Variants in DGCR8 observed in about 807,000 individuals in gnomAD.
DGCR8 encodes DGCR8 microprocessor complex subunit.
A neutral mutation model predicts 78.5 loss-of-function variants in DGCR8; 14 were observed. The observed-to-expected ratio is 0.18, with a 90% CI of 0.12 to 0.28. DGCR8 has a LOEUF of 0.28. Ranked by LOEUF, DGCR8 falls within the 10% of genes least tolerant of loss-of-function variation. The pLI is 1.00. For missense variants in DGCR8, 702 were observed against 1,022.5 expected (o/e 0.69, Z 4.28); for synonymous variants, 399 against 402.4 (o/e 0.99, Z 0.10).
Position 20,085,988 on chromosome 22 carries a change from C to T in DGCR8, c.25C>T (p.Pro9Ser). 1 of 1,601,670 alleles carries T rather than the reference C, an allele frequency of 6.2e-7. No homozygotes were observed. Among genetic ancestry groups the T allele is most frequent in the Non-Finnish European group, 8.5e-7 (1 of 1,173,344 alleles). The change falls in exon 2 of 14, where the codon CCG becomes TCG. Residue 9 changes from proline (P) to serine (S), a missense_variant. Coordinates refer to ENST00000351989, the MANE Select transcript of DGCR8 (RefSeq NM_022720.7). This position sits in a 1 kb window ranked among gnomAD's most constrained non-coding sequence, Gnocchi z 6.2. METDESPSPLPCGPAGEAV... is the reference protein window; with the variant it reads METDESPSSLPCGPAGEAV... ...TATGGAGACAGATGAGAGCCCCTCT[C>T]CGCTCCCGTGTGGGCCCGCAGGAGA...
chr22:20,108,805 G>A, intron 12 of DGCR8, 85 bp from the exon 13 acceptor site: 1 of 296,258 alleles, frequency 3.4e-6, no homozygotes, highest in Admixed American at 8.7e-5. Context: ...CTGCCTTCAG[G>A]GTCCCAGGCA....
rs757711940 is a variant in DGCR8, at chr22:20,086,140, C to T, written c.177C>T (p.Ser59=). 3.7e-5 allele frequency: 60 copies of T among 1,614,046 alleles called. No homozygotes were observed. The highest frequency in any genetic ancestry group is 7.7e-5 in the South Asian group (7 of 91,084). The change falls in exon 2 of 14, where the codon TCC becomes TCT. Residue 59 remains serine, a synonymous_variant. Transcript: ENST00000351989. The surrounding 1 kb of genome is among the most constrained non-coding windows in gnomAD (Gnocchi z 6.4). The part of the protein sequence containing the change: ...MDVGSGGDGQ[S]ELPAEDPFNF... The stretch of plus-strand genomic sequence containing the variant: ...TTGGCTCTGGTGGTGATGGACAGTC[C>T]GAACTCCCTGCTGAGGACCCCTTCA...
chr22:20,097,988 G>A (rs1238330859), intron 9 of DGCR8, among the ~76,000 whole-genome samples: 3 of 151,160 alleles, frequency 2.0e-5, no homozygotes, highest in Non-Finnish European at 4.4e-5. Context: ...TTAGCTGGGT[G>A]TGGTGGTGGG....
chr22:20,080,511 G>C (rs1434510462), intron 1 of DGCR8, 128 bp downstream of exon 1: 7 of 983,828 alleles, frequency 7.1e-6, no homozygotes, highest in Admixed American at 6.2e-5. Context: ...CGCGGAGCCC[G>C]GCCTTTGTGA....
chr22:20,089,941 C>T lies in DGCR8; in HGVS notation c.1024-35C>T, dbSNP rs1366276466. 24 of 1,590,716 alleles carry T rather than the reference C, an allele frequency of 1.5e-5. No homozygotes were observed. The highest frequency in any genetic ancestry group is 2.1e-5 in the Non-Finnish European group (24 of 1,166,594). ...TCAGAGTTTCAGACTCTCGGGTTGT[C>T]CTTGTAATCCATATTGCAATTTCAC... On this transcript the variant is annotated intron_variant, in intron 4 of 13. Coordinates refer to ENST00000351989, the MANE Select transcript of DGCR8 (RefSeq NM_022720.7). The surrounding 1 kb of genome is among the most constrained non-coding windows in gnomAD (Gnocchi z 4.9).
chr22:20,110,979 A>G lies in DGCR8; in HGVS notation c.*871A>G, dbSNP rs1321535274. 1.2e-4 allele frequency: 46 copies of G among 395,618 alleles called. No individual in the cohort carries two copies. Among genetic ancestry groups the G allele is most frequent in the Non-Finnish European group, 2.0e-4 (45 of 224,826 alleles). The allele number at this position is 395,618 out of a possible 1,614,324, so 24.5% of individuals were successfully genotyped here. On this transcript the variant is annotated 3_prime_UTR_variant, in exon 14 of 14. Coordinates refer to ENST00000351989, the MANE Select transcript of DGCR8 (RefSeq NM_022720.7). ...GCTTTTGTGATATTTTAGCATTTTG[A>G]AAGACTTTCACAGTGAGAGTAGAAG... is the stretch of plus-strand genomic sequence containing the variant.
chr22:20,095,115 G>A (rs952620865), intron 9 of DGCR8, among the ~76,000 whole-genome samples: 5 of 152,032 alleles, frequency 3.3e-5, no homozygotes, highest in African/African-American at 1.2e-4. Context: ...GATTTAGATT[G>A]TTCTTTTTTT....
chr22:20,106,564 G>A (rs2049772223), intron 10 of DGCR8, 28 bp from the exon 11 acceptor site: 6 of 1,540,060 alleles, frequency 3.9e-6, no homozygotes, highest in Non-Finnish European at 4.5e-6. Context: ...CTCAGGGGAC[G>A]CCATCTGTTG....
chr22:20,102,113 ATAGAGT>A (rs2049710148), intron 9 of DGCR8: 1 of 966,464 alleles, frequency 1.0e-6, no homozygotes, highest in Non-Finnish European at 1.2e-6. Context: ...TAAAATTTAC[ATAGAGT>A]TAAATTCACT....
chr22:20,085,106 C>T lies in DGCR8; in HGVS notation c.-277-581C>T, dbSNP rs906908545. The T allele has an allele frequency of 1.8e-5, 16 of 887,500 alleles. No homozygotes were observed. The highest frequency in any genetic ancestry group is 5.6e-4 in the Middle Eastern group (1 of 1,770). The allele number at this position is 887,500 out of a possible 1,614,324, so 55.0% of individuals were successfully genotyped here. On this transcript the variant is annotated intron_variant, in intron 1 of 13. Transcript: ENST00000351989. The surrounding 1 kb of genome is among the most constrained non-coding windows in gnomAD (Gnocchi z 6.2). ...GAACTATGCTGCCACCTCTGGTGAC[C>T]TCAGCACGCTGCATCACTGTCCCCG...
Position 20,092,832 on chromosome 22 carries a change from G to A in DGCR8, c.1630G>A (p.Ala544Thr). ...ECENPSEPFG[A>T]SVTIDGVTYG... ...AGAGAACCCAAGTGAGCCTTTTGGT[G>A]CCTCGGTGACCATTGATGGTGTGAC... The change falls in exon 8 of 14, where the codon GCC becomes ACC. Residue 544 changes from alanine (A) to threonine (T), a missense_variant. Around this residue, in one of 4 missense-constraint regions of DGCR8, gnomAD observed 225 missense variants for 427.7 expected, o/e 0.53. Transcript: ENST00000351989. 1 of 1,613,430 alleles carries A rather than the reference G, an allele frequency of 6.2e-7. No individual in the cohort carries two copies. The highest frequency in any genetic ancestry group is 8.5e-7 in the Non-Finnish European group (1 of 1,179,688).
rs2049560032 is a variant in DGCR8, at chr22:20,091,515, G to C, written c.1387G>C (p.Glu463Gln). 6.2e-7 allele frequency: 1 copy of C among 1,614,134 alleles called. No individual in the cohort carries two copies. The change falls in exon 6 of 14, where the codon GAG (glutamate) becomes CAG (glutamine). Residue 463 changes from glutamate (E) to glutamine (Q), a missense_variant. By Grantham distance (29) the Glu-to-Gln change is conservative. Transcript: ENST00000351989. ...VTVKKFRTWA[E>Q]RRQFNREMKR... The stretch of plus-strand genomic sequence containing the variant: ...TGTGAAAAAATTCAGGACTTGGGCT[G>C]AGCGGCGGCAATTCAATCGGGAAAT...
chr22:20,092,070 G>A (rs1289126010), intron 7 of DGCR8, 100 bp downstream of exon 7: 3 of 910,264 alleles, frequency 3.3e-6, no homozygotes, highest in Non-Finnish European at 5.2e-6. Flanking sequence ...TACTCTACTG[G>A]AACGGGAGGA....
In DGCR8 at chr22:20,108,964, C is replaced by G; in HGVS notation, c.2199C>G (p.Ser733Arg). The G allele has an allele frequency of 6.2e-7, 1 of 1,610,190 alleles. No homozygotes were observed. The highest frequency in any genetic ancestry group is 8.5e-7 in the Non-Finnish European group (1 of 1,176,656). The stretch of plus-strand genomic sequence containing the variant: ...ACAAGCCCAACCTGCACATCCTCAG[C>G]AAGCTCCAAGAGGAGATGAAGAGGC... ...KKNKPNLHIL[S>R]KLQEEMKRLA... Residue 733 changes from serine (S) to arginine (R), a missense_variant, in exon 13 of 14, where the codon AGC becomes AGG. Around this residue, in one of 4 missense-constraint regions of DGCR8, gnomAD observed 225 missense variants for 427.7 expected, o/e 0.53. Coordinates refer to ENST00000351989, the MANE Select transcript of DGCR8 (RefSeq NM_022720.7).
chr22:20,094,446 C>T (rs575919113), intron 8 of DGCR8, among the ~76,000 whole-genome samples: 34 of 152,342 alleles, frequency 2.2e-4, no homozygotes, highest in South Asian at 1.0e-3. Flanking sequence ...CATACAGCTC[C>T]GAGCTCCTCC....
At chr22:20,094,844 T>C (rs1270255956) in intron 9 of DGCR8, 49 bp downstream of exon 9, 1 of 1,530,530 alleles carries the variant, frequency 6.5e-7, no homozygotes, top group Non-Finnish European at 9.1e-7. Flanking sequence ...GCAGTGCGGC[T>C]ACCCTGCCCT....
chr22:20,084,129 T>G (rs1558495), intron 1 of DGCR8, among the ~76,000 whole-genome samples: 19,992 of 152,224 alleles, frequency 0.13, 1,705 homozygotes, highest in Non-Finnish European at 0.19. Context: ...AGATGGCCAG[T>G]GGATAGTTGT....
At chr22:20,092,727 T>A in intron 7 of DGCR8, 82 bp from the exon 8 acceptor site, 1 of 1,233,448 alleles carries the variant, frequency 8.1e-7, no homozygotes, top group Non-Finnish European at 1.2e-6. Flanking sequence ...GACTGCGCCT[T>A]GTCTGTCGGT....
intron 9 of DGCR8, among the ~76,000 whole-genome samples, chr22:20,095,345 A>G (rs2049615999): frequency 6.6e-6 from 1 of 152,102 alleles, no homozygotes. Context: ...ACCTCGGGTG[A>G]TCCACTCGCT....
Sources: gnomAD v4.1 joint callset for allele counts (sites outside exome capture counted in the v4.1 genomes callset) on GRCh38, gnomAD v4.1.1 for gene constraint, gnomAD v4.1.1 regional missense constraint, Gnocchi (gnomAD v3.1) non-coding constraint, MANE v1.5 for transcripts, NCBI Gene and HGNC (gene_info 2026-07-23, HGNC 2026-07-21) for gene names.